Variants in SFTPD observed in about 807,000 individuals in gnomAD.
SFTPD encodes surfactant protein D, also known as pulmonary surfactant-associated protein D.
SFTPD carries 18 observed loss-of-function variants against 34.6 expected under a neutral mutation model. The observed-to-expected ratio is 0.52, with a 90% CI of 0.36 to 0.77. The LOEUF is 0.77. Among genes scored for constraint, SFTPD ranks in the 30% least tolerant of loss-of-function variants. SFTPD has a pLI of 0.00. For missense variants in SFTPD, 433 were observed against 468.9 expected (o/e 0.92, Z 0.71); for synonymous variants, 155 against 180.9 (o/e 0.86, Z 1.15).
chr10:79,959,601 G>T (rs942132010), intron 1 of SFTPD, among the ~76,000 whole-genome samples: 1 of 152,184 alleles, frequency 6.6e-6, no homozygotes, highest in Non-Finnish European at 1.5e-5. Context: ...CCAGGAAGAA[G>T]TTGAATCTCT....
At chr10:79,976,516 C>T (rs1369366236) in intron 1 of SFTPD, among the ~76,000 whole-genome samples, 1 of 152,102 alleles carries the variant, frequency 6.6e-6, no homozygotes, top group Non-Finnish European at 1.5e-5. Flanking sequence ...AGAGTGATGG[C>T]ACCACCACTG....
intron 1 of SFTPD, among the ~76,000 whole-genome samples, chr10:79,976,494 T>A (rs552718878): frequency 6.6e-6 from 1 of 152,026 alleles, no homozygotes; most frequent in East Asian, 1.9e-4. Flanking sequence ...TTGAAGGAAG[T>A]CTGGTGCCAG....
rs878950161 is a variant in SFTPD at position 79,938,151 on chromosome 10, C to T, written c.829G>A (p.Ala277Thr). The T allele has an allele frequency of 6.2e-7, 1 of 1,612,306 alleles. No homozygotes were observed. The highest frequency in any genetic ancestry group is 8.5e-7 in the Non-Finnish European group (1 of 1,178,452). The stretch of plus-strand genomic sequence containing the variant: ...CCAGCCTGTGTGCACAGCAGCTGTG[C>T]CTCCGTAAATGGTTTTACAAAGCCT... ...TAGFVKPFTE[A>T]QLLCTQAGGQ... The change falls in exon 8 of 8, where the codon GCA (alanine) becomes ACA (threonine). Residue 277 changes from alanine to threonine, a missense_variant. Ala to Thr is a moderately conservative substitution (Grantham distance 58). Transcript: ENST00000372292.
intron 4 of SFTPD, 147 bp downstream of exon 4, chr10:79,942,241 T>A: frequency 1.4e-6 from 1 of 726,718 alleles, no homozygotes; most frequent in Non-Finnish European, 2.4e-6. Flanking sequence ...ATATTGCAGT[T>A]GTGGGGATTG....
At chr10:79,952,749 G>A (rs1842717536), upstream of SFTPD, among the ~76,000 whole-genome samples, 1 of 151,698 alleles carries the variant, frequency 6.6e-6, no homozygotes, top group Admixed American at 6.6e-5. Context: ...GACCCACAAT[G>A]GGTGCATAAC....
intron 1 of SFTPD, among the ~76,000 whole-genome samples, chr10:79,954,856 C>T (rs1243767693): frequency 6.6e-6 from 1 of 152,092 alleles, no homozygotes; most frequent in African/African-American, 2.4e-5. Context: ...AGTCTAAAAC[C>T]CCTGGTGGCC....
At chr10:79,969,611 GT>G (rs1285026852) in intron 1 of SFTPD, 5 of 152,116 alleles carry the variant, frequency 3.3e-5, no homozygotes, top group African/African-American at 1.2e-4. Flanking sequence ...GAGTGAAGTT[GT>G]ATCTGATAGT....
In SFTPD at chr10:79,942,411, G is replaced by A. The variant is rs141481902; in HGVS notation, c.410C>T (p.Pro137Leu). ...GNIGPQGKPGPKGEAGPKGEV... is the reference protein window; with the variant it reads ...GNIGPQGKPGLKGEAGPKGEV... The stretch of plus-strand genomic sequence containing the variant: ...ACCTTTGGGCCCAGCTTCTCCTTTT[G>A]GGCCTGGCTTGCCCTGAGGTCCTAT... Residue 137 changes from proline to leucine, a missense_variant, in exon 4 of 8, where the codon CCA becomes CTA. Physicochemically the swap from Pro to Leu is moderately conservative, Grantham distance 98. Transcript: ENST00000372292. The A allele has an allele frequency of 6.8e-5, 110 of 1,611,834 alleles. No individual in the cohort carries two copies. In the African/African-American group the frequency reaches 1.3e-3, roughly 19 times the overall value.
At chr10:79,962,382 A>G (rs1474039240) in intron 1 of SFTPD, among the ~76,000 whole-genome samples, 1 of 152,056 alleles carries the variant, frequency 6.6e-6, no homozygotes, top group African/African-American at 2.4e-5. Flanking sequence ...TATTTTCTCT[A>G]TGTATATGTG....
At chr10:79,953,663 ATC>A (rs1315472167), upstream of SFTPD, among the ~76,000 whole-genome samples, 2 of 152,034 alleles carry the variant, frequency 1.3e-5, no homozygotes, top group Non-Finnish European at 2.9e-5. Context: ...GGCTTCATGA[ATC>A]TAGATATCTG....
At chr10:79,957,894 C>T (rs1038927175) in intron 1 of SFTPD, among the ~76,000 whole-genome samples, 3 of 152,122 alleles carry the variant, frequency 2.0e-5, no homozygotes, top group Non-Finnish European at 4.4e-5. Context: ...TAAGGACAGC[C>T]AGAGAGAAAG....
chr10:79,941,339 T>G, intron 6 of SFTPD, 59 bp downstream of exon 6: 2 of 1,455,428 alleles, frequency 1.4e-6, no homozygotes. Context: ...GAGGAGGGCT[T>G]CCTCTCTGCC....
At position 79,942,891 on chromosome 10, in the gene SFTPD, G is replaced by A. The variant is rs144218796; in HGVS notation, c.200-12C>T. On this transcript the variant is annotated splice_polypyrimidine_tract_variant and intron_variant, in intron 2 of 7. Coordinates refer to ENST00000372292, the MANE Select transcript of SFTPD (RefSeq NM_003019.5). The stretch of plus-strand genomic sequence containing the variant: ...AGCTCCTGGCAAACCTGTAGCAGCA[G>A]AAGAAATGGACAAAGACCTGGCCCT... The A allele has an allele frequency of 1.6e-3, 2,531 of 1,572,430 alleles. 7 individuals are homozygous for A. Among genetic ancestry groups the A allele is most frequent in the Admixed American group, 2.7e-3 (159 of 59,984 alleles).
intron 1 of SFTPD, among the ~76,000 whole-genome samples, chr10:79,963,439 C>T (rs1336007603): frequency 1.3e-5 from 2 of 151,702 alleles, no homozygotes; most frequent in Non-Finnish European, 2.9e-5. Flanking sequence ...CTTTCAAAAA[C>T]CTAGTATGTT....
intron 1 of SFTPD, among the ~76,000 whole-genome samples, chr10:79,958,525 C>A (rs1842753244): frequency 6.6e-6 from 1 of 152,104 alleles, no homozygotes; most frequent in Non-Finnish European, 1.5e-5. Flanking sequence ...TTTAAACCAA[C>A]AAAGATCAAA....
chr10:79,941,626 A>G (rs1181075086), intron 5 of SFTPD, 112 bp from the exon 6 acceptor site: 3 of 815,042 alleles, frequency 3.7e-6, no homozygotes, highest in Non-Finnish European at 5.9e-6. Context: ...AGAAATAGAC[A>G]GATGGTCCCC....
intron 1 of SFTPD, among the ~76,000 whole-genome samples, chr10:79,978,137 G>A (rs144968377): frequency 6.6e-6 from 1 of 152,262 alleles, no homozygotes; most frequent in African/African-American, 2.4e-5. Context: ...AGTTACAGTA[G>A]ATTAGTTACC....
At chr10:79,947,524 T>A (rs1232279020) in intron 1 of SFTPD, among the ~76,000 whole-genome samples, 1 of 152,140 alleles carries the variant, frequency 6.6e-6, no homozygotes, top group Non-Finnish European at 1.5e-5. Context: ...ACCCCATCTC[T>A]ACTAAAAGTA....
At chr10:79,980,294 G>A (rs764557383) in intron 1 of SFTPD, among the ~76,000 whole-genome samples, 26 of 151,910 alleles carry the variant, frequency 1.7e-4, no homozygotes, top group Non-Finnish European at 3.1e-4. Context: ...GCTCAGTCTC[G>A]GTAAAATAAA....
Sources: gnomAD v4.1 joint callset for allele counts (sites outside exome capture counted in the v4.1 genomes callset) on GRCh38, gnomAD v4.1.1 for gene constraint, MANE v1.5 for transcripts, NCBI Gene and HGNC (gene_info 2026-07-23, HGNC 2026-07-21) for gene names.